PLCB4: variants seen among roughly 807,000 people sequenced by gnomAD.
The protein encoded by PLCB4 is 1-phosphatidylinositol 4,5-bisphosphate phosphodiesterase beta-4.
A neutral mutation model predicts 178.8 loss-of-function variants in PLCB4; 77 were observed. The ratio of observed to expected loss-of-function variants is 0.43; its 90% CI spans 0.36 to 0.52. PLCB4 has a LOEUF of 0.52. PLCB4 is among the 20% of genes least tolerant of loss of function. The probability of loss-of-function intolerance (pLI) is 0.00; values close to 1 mark genes in which losing one functional copy is unlikely to be tolerated. For missense variants in PLCB4, 1,024 were observed against 1,453.4 expected, an observed-to-expected ratio of 0.70 and a Z score of 4.80; for synonymous variants, 496 against 490.8, an observed-to-expected ratio of 1.01 and a Z score of -0.14.
chr20:9,370,977 CA>C (rs1405606135), intron 9 of PLCB4: 2 of 431,882 alleles, frequency 4.6e-6, no homozygotes, highest in African/African-American at 4.0e-5. Flanking sequence ...TCCCAAGCAC[CA>C]GGGGGACCCC....
chr20:9,372,857 CTGTTGTTGTTGT>C (rs111506447), intron 11 of PLCB4, among the ~76,000 whole-genome samples, 178 bp from the exon 12 acceptor site: 3 of 150,188 alleles, frequency 2.0e-5, no homozygotes, highest in Non-Finnish European at 4.4e-5. Flanking sequence ...TGTTTTCCTT[CTGTTGTTGTTGT>C]TGTTGTTGTT....
intron 4 of PLCB4, among the ~76,000 whole-genome samples, chr20:9,319,823 G>A (rs1418052055): frequency 2.6e-5 from 4 of 152,120 alleles, no homozygotes; most frequent in Non-Finnish European, 4.4e-5. Context: ...ACACCCGGAA[G>A]TAATATTTCA....
At chr20:9,277,845 G>T (rs180769458) in intron 3 of PLCB4, among the ~76,000 whole-genome samples, 99 of 152,028 alleles carry the variant, frequency 6.5e-4, no homozygotes, top group African/African-American at 2.4e-3. Context: ...CTCCTGTTTT[G>T]AAACAATAAA....
rs1423638655 is a variant in PLCB4 at position 9,438,349 on chromosome 20, G to A, written c.2764+1197G>A. On this transcript the variant is annotated intron_variant, in intron 30 of 39. Transcript: ENST00000378473. ...CCACTGCAGTCCGGCCTGGGTGAAAGAGGGAGACTATATCTTAAAAAAAAA... is the reference window on the plus strand; with the variant it reads ...CCACTGCAGTCCGGCCTGGGTGAAAAAGGGAGACTATATCTTAAAAAAAAA... Among the ~76,000 whole-genome samples the A allele has an allele frequency of 8.5e-4, 123 of 145,218 alleles. 1 individual carries two copies. The highest frequency in any genetic ancestry group is 1.9e-3 in the Admixed American group (27 of 14,306).
chr20:9,339,285 CT>C (rs1199724405), intron 7 of PLCB4, among the ~76,000 whole-genome samples: 2 of 152,152 alleles, frequency 1.3e-5, no homozygotes, highest in Non-Finnish European at 1.5e-5. Flanking sequence ...ACTTCTCCAA[CT>C]TGAGTGTATA....
intron 2 of PLCB4, among the ~76,000 whole-genome samples, chr20:9,138,290 A>G (rs2092423279): frequency 6.6e-6 from 1 of 152,122 alleles, no homozygotes; most frequent in African/African-American, 2.4e-5. Flanking sequence ...GATTCTTAAT[A>G]TGCATCATCA....
intron 2 of PLCB4, among the ~76,000 whole-genome samples, chr20:9,101,520 A>G (rs1239959885): frequency 6.6e-6 from 1 of 152,174 alleles, no homozygotes; most frequent in Non-Finnish European, 1.5e-5. Flanking sequence ...AGAAAGAGAA[A>G]TGAGGTTCTA....
chr20:9,315,837 G>A (rs77987151), intron 4 of PLCB4, among the ~76,000 whole-genome samples: 4,347 of 152,030 alleles, frequency 0.029, 249 homozygotes, highest in East Asian at 0.25. Flanking sequence ...GGAGGCTAAG[G>A]CACAAAAATC....
At chr20:9,220,568 G>A (rs866063093) in intron 3 of PLCB4, among the ~76,000 whole-genome samples, 19 of 152,306 alleles carry the variant, frequency 1.2e-4, no homozygotes, top group African/African-American at 4.1e-4. Flanking sequence ...CCCAGGAGGC[G>A]GAGGTTTGCA....
At chr20:9,225,763 A>G (rs896197458) in intron 3 of PLCB4, among the ~76,000 whole-genome samples, 4 of 152,208 alleles carry the variant, frequency 2.6e-5, no homozygotes, top group Admixed American at 1.3e-4. Context: ...ATCTGCTTCT[A>G]TAAGAGAGAG....
intron 36 of PLCB4, among the ~76,000 whole-genome samples, chr20:9,469,016 C>G (rs2043996586): frequency 6.7e-6 from 1 of 149,324 alleles, no homozygotes. Flanking sequence ...TGGAGTCTTG[C>G]TTTATTACCC....
At chr20:9,338,420 C>T (rs530376553) in intron 6 of PLCB4, among the ~76,000 whole-genome samples, 2 of 152,248 alleles carry the variant, frequency 1.3e-5, no homozygotes, top group South Asian at 2.1e-4. Context: ...CACAGTGGCT[C>T]ACACCTCCCA....
rs2094787938 is a variant in PLCB4 at position 9,307,744 on chromosome 20, A to C, written c.-15-56A>C. 11 of 733,708 alleles carry C rather than the reference A, an allele frequency of 1.5e-5. No individual in the cohort carries two copies. In the South Asian group the frequency reaches 2.1e-4, roughly 14 times the overall value. 45.4% of individuals were successfully genotyped at this position (733,708 alleles called of 1,614,324 possible). A position where few individuals can be genotyped will look rare whatever the true frequency, so the allele number is the denominator to read the frequency against. ...ACACAGAAATGCGAAGTGATTAACC[A>C]TCCTCAATTGTTTTTTCATTTTATA... On this transcript the variant is annotated intron_variant, in intron 3 of 39. Transcript: ENST00000378473.
At chr20:9,316,298 A>G (rs1313758386) in intron 4 of PLCB4, among the ~76,000 whole-genome samples, 1 of 152,178 alleles carries the variant, frequency 6.6e-6, no homozygotes, top group Non-Finnish European at 1.5e-5. Context: ...AAGCCCTTCA[A>G]GGAAGTCCGG....
intron 3 of PLCB4, among the ~76,000 whole-genome samples, chr20:9,287,617 G>A (rs959075580): frequency 1.9e-4 from 29 of 151,946 alleles, no homozygotes; most frequent in African/African-American, 6.0e-4. Flanking sequence ...AGTTAATATC[G>A]AGTCATGCCA....
intron 3 of PLCB4, among the ~76,000 whole-genome samples, chr20:9,263,629 T>A (rs2094320127): frequency 6.6e-6 from 1 of 152,224 alleles, no homozygotes; most frequent in Admixed American, 6.5e-5. Flanking sequence ...CTGAGATGGC[T>A]TCTTCCACAG....
chr20:9,093,365 AT>A (rs1252426298), intron 1 of PLCB4, among the ~76,000 whole-genome samples: 1 of 152,196 alleles, frequency 6.6e-6, no homozygotes, highest in East Asian at 1.9e-4. Flanking sequence ...TTACTGATAA[AT>A]TTGGAAGCCT....
intron 28 of PLCB4, among the ~76,000 whole-genome samples, chr20:9,425,085 A>G (rs531481994): frequency 4.6e-5 from 7 of 152,244 alleles, no homozygotes; most frequent in African/African-American, 1.7e-4. Context: ...AGAAGCTACA[A>G]CATACAGTAA....
At chr20:9,125,933 A>G (rs1238208705) in intron 2 of PLCB4, among the ~76,000 whole-genome samples, 1 of 152,096 alleles carries the variant, frequency 6.6e-6, no homozygotes, top group Non-Finnish European at 1.5e-5. Context: ...ACAGGCATTA[A>G]CCTAAGGTCA....
Sources: allele counts gnomAD v4.1 joint callset (sites outside exome capture counted in the v4.1 genomes callset), GRCh38; gene constraint gnomAD v4.1.1; transcripts MANE v1.5; gene names NCBI Gene and HGNC (gene_info 2026-07-23, HGNC 2026-07-21).